Variants in EYA4 observed in about 807,000 individuals in gnomAD.
EYA4 encodes protein phosphatase EYA4.
A neutral mutation model predicts 87.9 loss-of-function variants in EYA4; 31 were observed. The observed-to-expected ratio is 0.35, with a 90% CI of 0.27 to 0.48. The LOEUF is 0.48. Ranked by LOEUF, EYA4 falls within the 20% of genes least tolerant of loss-of-function variation. EYA4 has a pLI of 0.99. For missense variants in EYA4, 678 were observed against 761.4 expected (o/e 0.89, Z 1.29); for synonymous variants, 263 against 270.6 (o/e 0.97, Z 0.28).
chr6:133,380,801 A>C, intron 2 of EYA4, among the ~76,000 whole-genome samples: 1 of 148,246 alleles, frequency 6.7e-6, no homozygotes, highest in African/African-American at 2.5e-5. Context: ...CTCCCTCCCC[A>C]CCCTTTCCCC....
intron 5 of EYA4, among the ~76,000 whole-genome samples, chr6:133,455,381 C>T (rs987437544): frequency 1.3e-4 from 19 of 151,556 alleles, no homozygotes; most frequent in Non-Finnish European, 2.5e-4. Flanking sequence ...CCAACATTTA[C>T]ATTTCTCCTC....
intron 17 of EYA4, among the ~76,000 whole-genome samples, chr6:133,516,665 A>G (rs1799625663): frequency 6.6e-6 from 1 of 151,296 alleles, no homozygotes; most frequent in Non-Finnish European, 1.5e-5. Flanking sequence ...CGGAGGTTAC[A>G]CTGAGCTGAG....
intron 14 of EYA4, among the ~76,000 whole-genome samples, chr6:133,508,165 A>T (rs997487537): frequency 6.6e-6 from 1 of 152,136 alleles, no homozygotes; most frequent in Non-Finnish European, 1.5e-5. Flanking sequence ...ATGGTGAGTC[A>T]TGTTTTTACT....
At chr6:133,408,214 G>T (rs1016005192) in intron 3 of EYA4, among the ~76,000 whole-genome samples, 2 of 152,150 alleles carry the variant, frequency 1.3e-5, no homozygotes, top group Non-Finnish European at 2.9e-5. Flanking sequence ...TCCATCTTTT[G>T]TTGGGGAATA....
chr6:133,301,359 G>A (rs141054542), intron 2 of EYA4, among the ~76,000 whole-genome samples: 15 of 152,250 alleles, frequency 9.9e-5, no homozygotes, highest in Middle Eastern at 6.8e-3. Flanking sequence ...TGGCTGGTGA[G>A]TTTTTCCTTT....
chr6:133,319,637 A>C (rs1449468777), intron 2 of EYA4, among the ~76,000 whole-genome samples: 2 of 151,910 alleles, frequency 1.3e-5, no homozygotes, highest in Non-Finnish European at 2.9e-5. Flanking sequence ...CTCGCTTAAA[A>C]AAATTGTTTT....
chr6:133,459,033 G>T (rs1453988169), intron 6 of EYA4, among the ~76,000 whole-genome samples: 2 of 152,110 alleles, frequency 1.3e-5, no homozygotes, highest in South Asian at 2.1e-4. Flanking sequence ...AAATGAGGCT[G>T]CCCTTTGTGG....
intron 9 of EYA4, among the ~76,000 whole-genome samples, chr6:133,463,052 A>T (rs890504357): frequency 6.6e-6 from 1 of 152,154 alleles, no homozygotes; most frequent in Non-Finnish European, 1.5e-5. Context: ...TCAGCCACAC[A>T]TTTGGCGTCT....
intron 3 of EYA4, among the ~76,000 whole-genome samples, chr6:133,393,349 C>T (rs775907865): frequency 3.3e-5 from 5 of 152,018 alleles, no homozygotes; most frequent in Admixed American, 2.6e-4. Flanking sequence ...GCTTGAGATA[C>T]GTCAGTAAAC....
intron 2 of EYA4, among the ~76,000 whole-genome samples, chr6:133,342,542 A>G (rs1035672879): frequency 7.3e-6 from 1 of 136,868 alleles, no homozygotes; most frequent in Non-Finnish European, 1.5e-5. Flanking sequence ...AACATGGTAT[A>G]TTGCTGCCAT....
chr6:133,466,970 GA>G (rs944413604), intron 10 of EYA4, among the ~76,000 whole-genome samples: 1 of 152,094 alleles, frequency 6.6e-6, no homozygotes, highest in Non-Finnish European at 1.5e-5. Context: ...TATGTTTTGA[GA>G]CGATAACTCT....
chr6:133,343,620 A>G (rs1346784454), intron 2 of EYA4, among the ~76,000 whole-genome samples: 1 of 135,324 alleles, frequency 7.4e-6, no homozygotes, highest in African/African-American at 2.8e-5. Flanking sequence ...ACTCTGGTAG[A>G]CTGTTTTTCG....
chr6:133,448,412 T>C (rs1793076759), intron 5 of EYA4, among the ~76,000 whole-genome samples: 1 of 152,202 alleles, frequency 6.6e-6, no homozygotes, highest in African/African-American at 2.4e-5. Flanking sequence ...CTTAAATTTT[T>C]CATAATTTCA....
chr6:133,530,171 G>A lies in EYA4; in HGVS notation c.*1366G>A. The A allele has an allele frequency of 8.1e-6, 8 of 985,280 alleles. No individual in the cohort carries two copies. The highest frequency in any genetic ancestry group is 8.4e-6 in the Non-Finnish European group (7 of 829,804). 61.0% of individuals were successfully genotyped at this position (985,280 alleles called of 1,614,324 possible). On this transcript the variant is annotated 3_prime_UTR_variant, in exon 20 of 20. Transcript: ENST00000355286. ...AAGTGCGCTGGATCTTGGCAGCGCT[G>A]CTGAAATGACAACAGTAAAATAATA... is the stretch of plus-strand genomic sequence containing the variant.
intron 1 of EYA4, among the ~76,000 whole-genome samples, chr6:133,253,790 A>G (rs537313922): frequency 2.5e-4 from 38 of 152,178 alleles, no homozygotes; most frequent in African/African-American, 9.2e-4. Flanking sequence ...TGGACTGTTA[A>G]TATAACAGCA....
chr6:133,469,155 T>C (rs749568152), intron 11 of EYA4, among the ~76,000 whole-genome samples: 5 of 152,044 alleles, frequency 3.3e-5, no homozygotes, highest in Non-Finnish European at 5.9e-5. Context: ...GAATCAGTGA[T>C]AGGTAGTTTA....
intron 5 of EYA4, among the ~76,000 whole-genome samples, chr6:133,452,055 A>G (rs1203496574): frequency 1.3e-5 from 2 of 152,144 alleles, no homozygotes; most frequent in Non-Finnish European, 2.9e-5. Flanking sequence ...TGGTAATCAT[A>G]GGTTTTTGAA....
intron 2 of EYA4, among the ~76,000 whole-genome samples, chr6:133,320,393 T>G (rs952610675): frequency 6.6e-6 from 1 of 152,084 alleles, no homozygotes; most frequent in Non-Finnish European, 1.5e-5. Context: ...TAATTCTCAT[T>G]GTTAATTAGA....
rs915729478 is a variant in EYA4, at chr6:133,475,949, T to C, written c.971-5514T>C. 3.9e-5 allele frequency among the ~76,000 whole-genome samples: 6 copies of C among 152,266 alleles called. No homozygotes were observed. In the East Asian group the frequency reaches 9.7e-4, roughly 25 times the overall value. Reference sequence around the variant, plus strand: ...GCTCTTTTGCTTCTGTGAAGTTCTTTCAGTGAATTCTTTGGCCCTCCATCT... The same window carrying C: ...GCTCTTTTGCTTCTGTGAAGTTCTTCCAGTGAATTCTTTGGCCCTCCATCT... On this transcript the variant is annotated intron_variant, in intron 11 of 19. Coordinates refer to ENST00000355286, the MANE Select transcript of EYA4 (RefSeq NM_004100.5).
Sources: gnomAD v4.1 joint callset for allele counts (sites outside exome capture counted in the v4.1 genomes callset) on GRCh38, gnomAD v4.1.1 for gene constraint, MANE v1.5 for transcripts, NCBI Gene and HGNC (gene_info 2026-07-23, HGNC 2026-07-21) for gene names.